CUX1: variants seen among roughly 807,000 people sequenced by gnomAD.
CUX1 encodes the protein protein CASP.
CUX1 carries 31 observed loss-of-function variants against 158.8 expected under a neutral mutation model. The ratio of observed to expected loss-of-function variants is 0.20; its 90% CI spans 0.15 to 0.26. The LOEUF (loss-of-function observed/expected upper bound fraction) is 0.26. Ranked by LOEUF, CUX1 falls within the 10% of genes least tolerant of loss-of-function variation. CUX1 has a pLI of 1.00. For synonymous variants in CUX1, 879 were observed against 862.1 expected (o/e 1.02, Z -0.34); for missense variants, 1,589 against 2,014.6 (o/e 0.79, Z 4.04).
intron 8 of CUX1, among the ~76,000 whole-genome samples, chr7:102,132,680 C>CTTTTTTTTTTTTT (rs1174779466): frequency 3.5e-5 from 4 of 115,186 alleles, no homozygotes; most frequent in African/African-American, 7.0e-5. Flanking sequence ...CTTTGCTTTT[C>CTTTTTTTTTTTTT]TTTTTTTTTT....
At chr7:101,996,061 A>G (rs1815830901) in intron 2 of CUX1, among the ~76,000 whole-genome samples, 1 of 151,740 alleles carries the variant, frequency 6.6e-6, no homozygotes, top group African/African-American at 2.4e-5. Flanking sequence ...GCATGAGATG[A>G]GATCGCGCCA....
intron 23 of CUX1, among the ~76,000 whole-genome samples, chr7:102,241,650 C>A (rs543603428): frequency 6.6e-6 from 1 of 152,366 alleles, no homozygotes; most frequent in African/African-American, 2.4e-5. Flanking sequence ...GAGTCCAAAT[C>A]ACACCTTTAT....
chr7:101,872,725 G>A (rs189512649), intron 1 of CUX1, among the ~76,000 whole-genome samples: 101 of 152,112 alleles, frequency 6.6e-4, no homozygotes, highest in African/African-American at 2.3e-3. Context: ...CTAGGTTAAA[G>A]TTTTCAAGAT....
intron 10 of CUX1, among the ~76,000 whole-genome samples, chr7:102,174,517 C>A (rs1472331908): frequency 7.2e-5 from 11 of 152,198 alleles, no homozygotes; most frequent in African/African-American, 2.2e-4. Flanking sequence ...TGACAGGCCG[C>A]TGCTTCTCAT....
chr7:102,109,783 CAAA>C (rs574010132), intron 6 of CUX1, among the ~76,000 whole-genome samples: 3 of 121,414 alleles, frequency 2.5e-5, no homozygotes, highest in Admixed American at 8.6e-5. Flanking sequence ...ACCCTGTCTC[CAAA>C]AAAAAAAAAA....
In CUX1 at chr7:102,204,430, T is replaced by C; in HGVS notation, c.2947T>C (p.Ser983Pro). 6.2e-7 allele frequency: 1 copy of C among 1,613,638 alleles called. No homozygotes were observed. Among genetic ancestry groups the C allele is most frequent in the Non-Finnish European group, 8.5e-7 (1 of 1,180,016 alleles). Residue 983 changes from serine to proline, a missense_variant, in exon 19 of 24, where the codon TCC (serine) becomes CCC (proline). Physicochemically the swap from Ser to Pro is moderately conservative, Grantham distance 74. Coordinates refer to ENST00000292535, the MANE Select transcript of CUX1 (RefSeq NM_181552.4). ...CCAGGGCAGCGTCAGCGACATGCTGTCCCGACCGAAGCCATGGAGCAAGCT... is the reference window on the plus strand; with the variant it reads ...CCAGGGCAGCGTCAGCGACATGCTGCCCCGACCGAAGCCATGGAGCAAGCT... ...LSQGSVSDML[S>P]RPKPWSKLTQ... is the part of the protein sequence containing the mutation.
intron 2 of CUX1, among the ~76,000 whole-genome samples, chr7:101,938,331 T>C (rs555666182): frequency 2.0e-5 from 3 of 152,170 alleles, no homozygotes; most frequent in East Asian, 3.9e-4. Context: ...TCTCTCAAAC[T>C]CTGGGGCTCA....
chr7:102,147,908 G>A (rs1475675983), intron 8 of CUX1, among the ~76,000 whole-genome samples: 2 of 152,036 alleles, frequency 1.3e-5, no homozygotes, highest in Admixed American at 6.6e-5. Context: ...CTGAGGAGGC[G>A]GAGGTTACAG....
intron 15 of CUX1, chr7:102,273,558 C>T: frequency 1.9e-6 from 3 of 1,545,446 alleles, no homozygotes; most frequent in South Asian, 1.2e-5. Context: ...CCTCTGCAAA[C>T]ACTGACTTCC....
At position 102,132,271 on chromosome 7, in the gene CUX1, T is replaced by C. The variant is rs139485178; in HGVS notation, c.674+16998T>C. ...ATTTAGACAGACTGGCAAAAATATTTGCAATATATATGAGAGAGAGAGTGT... is the reference window on the plus strand; with the variant it reads ...ATTTAGACAGACTGGCAAAAATATTCGCAATATATATGAGAGAGAGAGTGT... On this transcript the variant is annotated intron_variant, in intron 8 of 23. Transcript: ENST00000292535. Among the ~76,000 whole-genome samples the C allele has an allele frequency of 2.4e-3, 361 of 150,968 alleles. 1 individual carries two copies. Among genetic ancestry groups the C allele is most frequent in the African/African-American group, 8.5e-3 (348 of 41,076 alleles).
At chr7:101,823,321 C>T (rs969222848) in intron 1 of CUX1, among the ~76,000 whole-genome samples, 1 of 152,208 alleles carries the variant, frequency 6.6e-6, no homozygotes, top group Non-Finnish European at 1.5e-5. Context: ...GATTTACTAA[C>T]ACTGCCAGCA....
chr7:101,952,152 C>G (rs182617897), intron 2 of CUX1, among the ~76,000 whole-genome samples: 45 of 152,110 alleles, frequency 3.0e-4, no homozygotes, highest in African/African-American at 1.1e-3. Flanking sequence ...CTTTGAGAGG[C>G]CAAGGTGGAA....
intron 2 of CUX1, among the ~76,000 whole-genome samples, chr7:101,984,645 C>T (rs1814044077): frequency 1.3e-5 from 2 of 151,930 alleles, no homozygotes; most frequent in African/African-American, 4.8e-5. Flanking sequence ...CTGGCACAAG[C>T]GCAGATGGGC....
intron 8 of CUX1, among the ~76,000 whole-genome samples, chr7:102,141,368 G>C (rs1834442712): frequency 6.6e-6 from 1 of 152,090 alleles, no homozygotes; most frequent in South Asian, 2.1e-4. Flanking sequence ...GGGAATTGTG[G>C]ACAAATCTAT....
At chr7:102,190,326 G>T (rs1172687852) in intron 12 of CUX1, among the ~76,000 whole-genome samples, 1 of 152,146 alleles carries the variant, frequency 6.6e-6, no homozygotes, top group Non-Finnish European at 1.5e-5. Flanking sequence ...GGCTGTAGCC[G>T]AAAGCTTATC....
intron 9 of CUX1, among the ~76,000 whole-genome samples, chr7:102,164,941 G>A (rs970002687): frequency 2.0e-5 from 3 of 151,896 alleles, no homozygotes; most frequent in South Asian, 2.1e-4. Flanking sequence ...CCCCTCCCCC[G>A]CCATATAAAA....
At chr7:102,018,091 G>T (rs756795531) in intron 2 of CUX1, among the ~76,000 whole-genome samples, 25 of 152,032 alleles carry the variant, frequency 1.6e-4, no homozygotes, top group Non-Finnish European at 3.4e-4. Context: ...CGAGTAGCTC[G>T]CACTATAGGC....
At chr7:101,947,434 C>T (rs760961271) in intron 2 of CUX1, among the ~76,000 whole-genome samples, 36 of 152,122 alleles carry the variant, frequency 2.4e-4, no homozygotes, top group African/African-American at 2.4e-4. Flanking sequence ...ATTCTAGGCC[C>T]GAGCCCGAGC....
chr7:102,151,230 C>A (rs1554503487), intron 8 of CUX1, among the ~76,000 whole-genome samples: 1 of 152,022 alleles, frequency 6.6e-6, no homozygotes, highest in Non-Finnish European at 1.5e-5. Context: ...GGGGAGGAGG[C>A]AGCAGTTTGG....
Sources: allele counts gnomAD v4.1 joint callset (sites outside exome capture counted in the v4.1 genomes callset), GRCh38; gene constraint gnomAD v4.1.1; transcripts MANE v1.5; gene names NCBI Gene and HGNC (gene_info 2026-07-23, HGNC 2026-07-21).